Variants in SPZ1 observed in about 807,000 individuals in gnomAD.
SPZ1 encodes the protein spermatogenic leucine zipper 1, also known as spermatogenic leucine zipper protein 1.
For missense variants in SPZ1, 408 were observed against 486.2 expected (o/e 0.84, Z 1.51); for synonymous variants, 160 against 167.6 (o/e 0.95, Z 0.35).
chr5:80,320,254 C>T lies in SPZ1; in HGVS notation c.39C>T (p.Ile13=), dbSNP rs1042717059. ...CTAAGTCAGCTGAGATGCCCACCAT[C>T]TCCAAAACCGTTAACCCTACTCCTG... is the stretch of plus-strand genomic sequence containing the variant. The part of the protein sequence containing the change: ...SSAKSAEMPT[I]SKTVNPTPDP... The change falls in exon 1 of 1, where the codon ATC becomes ATT. Residue 13 remains isoleucine, a synonymous_variant. Transcript: ENST00000296739. 25 of 1,612,652 alleles carry T rather than the reference C, an allele frequency of 1.6e-5. No individual in the cohort carries two copies.
rs1252323724 is a variant in SPZ1, at chr5:80,321,172, G to T, written c.957G>T (p.Leu319Phe). 1 of 1,614,012 alleles carries T rather than the reference G, an allele frequency of 6.2e-7. No homozygotes were observed. Among genetic ancestry groups the T allele is most frequent in the Admixed American group, 1.7e-5 (1 of 60,016 alleles). The part of the protein sequence containing the change: ...KLSHDTYSLQ[L>F]MAALLENECQ... ...GCCATGACACCTATTCATTGCAGTT[G>T]ATGGCAGCTTTGCTAGAGAATGAAT... Residue 319 changes from leucine (L) to phenylalanine (F), a missense_variant, in exon 1 of 1, where the codon TTG (leucine) becomes TTT (phenylalanine). Physicochemically the swap from Leu to Phe is conservative, Grantham distance 22 (BLOSUM62 0). Transcript: ENST00000296739.
rs1294166482 is a variant in SPZ1, at chr5:80,321,298, C to G, written c.1083C>G (p.Asp361Glu). 1 of 1,610,094 alleles carries G rather than the reference C, an allele frequency of 6.2e-7. No homozygotes were observed. Among genetic ancestry groups the G allele is most frequent in the Non-Finnish European group, 8.5e-7 (1 of 1,179,120 alleles). The change falls in exon 1 of 1, where the codon GAC becomes GAG. Residue 361 changes from aspartate (D) to glutamate (E), a missense_variant. Asp to Glu is a conservative substitution (Grantham distance 45). Transcript: ENST00000296739. ...CAATTCAGATAAACTATAAACAGGACAAGAAAAATCAGAAGCCATCAGAAG... is the reference window on the plus strand; with the variant it reads ...CAATTCAGATAAACTATAAACAGGAGAAGAAAAATCAGAAGCCATCAGAAG... ...EKPIQINYKQ[D>E]KKNQKPSEAK...
Position 80,321,558 on chromosome 5 carries a change from T to C in SPZ1, c.*50T>C, listed in dbSNP as rs1201961269. On this transcript the variant is annotated 3_prime_UTR_variant, in exon 1 of 1. Transcript: ENST00000296739. ...GTGAATCCTTAAAAAACTACATCTG[T>C]TACCTCCAACTTGTCAGTCATGATC... 8 of 1,405,704 alleles carry C rather than the reference T, an allele frequency of 5.7e-6. No homozygotes were observed. Among genetic ancestry groups the C allele is most frequent in the Non-Finnish European group, 7.7e-6 (8 of 1,038,260 alleles). 87.1% of individuals were successfully genotyped at this position (1,405,704 alleles called of 1,614,324 possible).
chr5:80,320,409 C>T lies in SPZ1; in HGVS notation c.194C>T (p.Thr65Ile). Residue 65 changes from threonine to isoleucine, a missense_variant, in exon 1 of 1, where the codon ACT (threonine) becomes ATT (isoleucine). Thr to Ile is a moderately conservative substitution (Grantham distance 89, BLOSUM62 -1). Coordinates refer to ENST00000296739, the MANE Select transcript of SPZ1 (RefSeq NM_032567.4). ...AGCCATCAAGTTACAGAACAACAGA[C>T]TGCACAGAAGTTTAACAATCTCTTA... Reference protein sequence around the residue: ...NSSHQVTEQQTAQKFNNLLKE... With the variant: ...NSSHQVTEQQIAQKFNNLLKE... The T allele has an allele frequency of 6.2e-7, 1 of 1,614,044 alleles. No homozygotes were observed. The highest frequency in any genetic ancestry group is 2.2e-5 in the East Asian group (1 of 44,874).
downstream of SPZ1, chr5:80,321,351 A>ACAAG (rs1258888138): frequency 8.7e-6 from 14 of 1,613,520 alleles, no homozygotes; most frequent in Non-Finnish European, 1.0e-5. Context: ...TATAAGCAGA[A>ACAAG]CAAGCAAGCA....
Position 80,320,868 on chromosome 5 carries a change from A to AT in SPZ1, c.653_654insT (p.Lys218AsnfsTer4). On this transcript the variant is annotated frameshift_variant, in exon 2 of 2. Transcript: ENST00000511881. LOFTEE classifies it low-confidence loss of function (END_TRUNC). The stretch of plus-strand genomic sequence containing the variant: ...TTGGTAAATCGTTTAGAAGAAAAAA[A>AT]AGTCCTTAACGAAACTCAACAAAGT... 6.2e-7 allele frequency: 1 copy of AT among 1,613,340 alleles called. No individual in the cohort carries two copies. Among genetic ancestry groups the AT allele is most frequent in the South Asian group, 1.1e-5 (1 of 90,706 alleles).
Position 80,320,597 on chromosome 5 carries a change from C to A in SPZ1, c.382C>A (p.Pro128Thr), listed in dbSNP as rs780303532. Residue 128 changes from proline to threonine, a missense_variant, in exon 1 of 1, where the codon CCT becomes ACT. Physicochemically the swap from Pro to Thr is conservative, Grantham distance 38. Transcript: ENST00000296739. ...KINEMLSTNLPVSLAPEKEDN... is the reference protein window; with the variant it reads ...KINEMLSTNLTVSLAPEKEDN... ...CAATGAAATGTTATCAACAAACCTG[C>A]CTGTTAGTTTAGCCCCAGAGAAAGA... is the stretch of plus-strand genomic sequence containing the variant. 2 of 1,613,324 alleles carry A rather than the reference C, an allele frequency of 1.2e-6. No homozygotes were observed. Among genetic ancestry groups the A allele is most frequent in the Non-Finnish European group, 8.5e-7 (1 of 1,179,746 alleles).
chr5:80,321,392 T>C lies in SPZ1; in HGVS notation c.1177T>C (p.Ser393Pro), dbSNP rs1424747311. The C allele has an allele frequency of 1.2e-6, 2 of 1,613,676 alleles. No individual in the cohort carries two copies. The highest frequency in any genetic ancestry group is 1.7e-4 in the Middle Eastern group (1 of 6,060). Residue 393 changes from serine to proline, a missense_variant, in exon 1 of 1, where the codon TCC becomes CCC. Physicochemically the swap from Ser to Pro is moderately conservative, Grantham distance 74. Coordinates refer to ENST00000296739, the MANE Select transcript of SPZ1 (RefSeq NM_032567.4). Reference sequence around the variant, plus strand: ...GGGTACATTTTGGAAAAAAGACAGATCCTGTAGAAGCCTGGATGTTTGTCT... The same window carrying C: ...GGGTACATTTTGGAAAAAAGACAGACCCTGTAGAAGCCTGGATGTTTGTCT... The part of the protein sequence containing the change: ...MKGTFWKKDR[S>P]CRSLDVCLNK...
rs1199399714 is a variant in SPZ1 at position 80,320,812 on chromosome 5, T to A, written c.597T>A (p.Ser199=). ...AGATGATAATGGAAAACCAGAACTC[T>A]GAGAACACCGCACAAGTTTTTGCAA... ...KQQMIMENQN[S]ENTAQVFARD... The change falls in exon 1 of 1, where the codon TCT becomes TCA. Residue 199 remains serine, a synonymous_variant. Transcript: ENST00000296739. 1 of 1,614,052 alleles carries A rather than the reference T, an allele frequency of 6.2e-7. No homozygotes were observed. Among genetic ancestry groups the A allele is most frequent in the African/African-American group, 1.3e-5 (1 of 74,944 alleles).
rs1312198897 is a variant in SPZ1 at position 80,320,914 on chromosome 5, A to G, written c.699A>G (p.Arg233=). 2 of 1,609,886 alleles carry G rather than the reference A, an allele frequency of 1.2e-6. No homozygotes were observed. Among genetic ancestry groups the G allele is most frequent in the South Asian group, 2.2e-5 (2 of 89,466 alleles). Residue 233 remains arginine, a synonymous_variant, in exon 1 of 1, where the codon AGA becomes AGG. Transcript: ENST00000296739. ...AAAGTCAGGAAAAAGCAAAAAACAG[A>G]CTTAATGTTCAAGAAGAAACTATGA... is the stretch of plus-strand genomic sequence containing the variant. The part of the protein sequence containing the change: ...TQQSQEKAKN[R]LNVQEETMKI...
chr5:80,320,311 T>C lies in SPZ1; in HGVS notation c.96T>C (p.Ile32=), dbSNP rs368149933. The change falls in exon 1 of 1, where the codon ATT becomes ATC. Residue 32 remains isoleucine (I), a synonymous_variant. Transcript: ENST00000296739. ...DPHQEYLDPR[I]TIALFEIGSH... ...ATCAAGAATATCTGGACCCTAGGAT[T>C]ACCATTGCCTTATTCGAAATTGGAT... The C allele has an allele frequency of 6.3e-5, 101 of 1,613,936 alleles. No individual in the cohort carries two copies. The highest frequency in any genetic ancestry group is 8.1e-5 in the Non-Finnish European group (96 of 1,179,994).
rs746821836 is a variant in SPZ1 at position 80,320,502 on chromosome 5, T to A, written c.287T>A (p.Leu96His). The A allele has an allele frequency of 6.2e-7, 1 of 1,614,054 alleles. No individual in the cohort carries two copies. The highest frequency in any genetic ancestry group is 1.1e-5 in the South Asian group (1 of 91,006). Residue 96 changes from leucine (L) to histidine (H), a missense_variant, in exon 1 of 1, where the codon CTT becomes CAT. Transcript: ENST00000296739. ...FEEKITEAKE[L>H]FEETNITEDV... ...GAGAAGATCACAGAAGCAAAAGAACTTTTTGAGGAAACCAATATTACTGAG... is the reference window on the plus strand; with the variant it reads ...GAGAAGATCACAGAAGCAAAAGAACATTTTGAGGAAACCAATATTACTGAG...
At position 80,320,812 on chromosome 5, in the gene SPZ1, T is replaced by C; in HGVS notation, c.597T>C (p.Ser199=). 6.2e-7 allele frequency: 1 copy of C among 1,614,170 alleles called. No homozygotes were observed. Among genetic ancestry groups the C allele is most frequent in the Non-Finnish European group, 8.5e-7 (1 of 1,180,038 alleles). ...KQQMIMENQN[S]ENTAQVFARD... ...AGATGATAATGGAAAACCAGAACTCTGAGAACACCGCACAAGTTTTTGCAA... is the reference window on the plus strand; with the variant it reads ...AGATGATAATGGAAAACCAGAACTCCGAGAACACCGCACAAGTTTTTGCAA... Residue 199 remains serine, a synonymous_variant, in exon 1 of 1, where the codon TCT becomes TCC. Transcript: ENST00000296739.
chr5:80,320,331 T>C lies in SPZ1; in HGVS notation c.116T>C (p.Ile39Thr), dbSNP rs754490965. The C allele has an allele frequency of 1.9e-6, 3 of 1,613,998 alleles. No homozygotes were observed. The highest frequency in any genetic ancestry group is 4.5e-5 in the East Asian group (2 of 44,896). Residue 39 changes from isoleucine (I) to threonine (T), a missense_variant, in exon 1 of 1, where the codon ATT becomes ACT. By Grantham distance (89) the Ile-to-Thr change is moderately conservative. Transcript: ENST00000296739. ...DPRITIALFE[I>T]GSHSPSSWGS... ...AGGATTACCATTGCCTTATTCGAAA[T>C]TGGATCACATTCCCCTTCCTCCTGG...
chr5:80,321,842 A>AT (rs5869033), downstream of SPZ1: 525 of 167,786 alleles, frequency 3.1e-3, 1 homozygote, highest in African/African-American at 0.01. Context: ...TACAAGGGAA[A>AT]TTTTTTTTTT....
rs747462365 is a variant in SPZ1 at position 80,320,917 on chromosome 5, T to C, written c.702T>C (p.Leu234=). ...QQSQEKAKNR[L]NVQEETMKIR... is the part of the protein sequence containing the mutation. ...GTCAGGAAAAAGCAAAAAACAGACT[T>C]AATGTTCAAGAAGAAACTATGAAAA... Residue 234 remains leucine (L), a synonymous_variant, in exon 1 of 1, where the codon CTT becomes CTC. Transcript: ENST00000296739. 2.5e-6 allele frequency: 4 copies of C among 1,609,704 alleles called. No individual in the cohort carries two copies. The highest frequency in any genetic ancestry group is 3.4e-6 in the Non-Finnish European group (4 of 1,179,202).
rs748311486 is a variant in SPZ1, at chr5:80,321,332, G to T, written c.1117G>T (p.Val373Leu). 6.2e-7 allele frequency: 1 copy of T among 1,612,072 alleles called. No homozygotes were observed. Among genetic ancestry groups the T allele is most frequent in the Non-Finnish European group, 8.5e-7 (1 of 1,179,610 alleles). The change falls in exon 1 of 1, where the codon GTA (valine) becomes TTA (leucine). Residue 373 changes from valine to leucine, a missense_variant. By Grantham distance (32) the Val-to-Leu change is conservative. Coordinates refer to ENST00000296739, the MANE Select transcript of SPZ1 (RefSeq NM_032567.4). ...TCAGAAGCCATCAGAAGCAAAGAAAGTAGAAATGTATAAGCAGAACAAGCA... is the reference window on the plus strand; with the variant it reads ...TCAGAAGCCATCAGAAGCAAAGAAATTAGAAATGTATAAGCAGAACAAGCA... ...KNQKPSEAKK[V>L]EMYKQNKQAM...
At position 80,320,607 on chromosome 5, in the gene SPZ1, T is replaced by C. The variant is rs1743534085; in HGVS notation, c.392T>C (p.Leu131Ser). 1 of 1,613,696 alleles carries C rather than the reference T, an allele frequency of 6.2e-7. No individual in the cohort carries two copies. Among genetic ancestry groups the C allele is most frequent in the Non-Finnish European group, 8.5e-7 (1 of 1,179,982 alleles). ...TTATCAACAAACCTGCCTGTTAGTT[T>C]AGCCCCAGAGAAAGAAGACAATGAA... ...EMLSTNLPVS[L>S]APEKEDNEKK... Residue 131 changes from leucine (L) to serine (S), a missense_variant, in exon 1 of 1, where the codon TTA becomes TCA. Coordinates refer to ENST00000296739, the MANE Select transcript of SPZ1 (RefSeq NM_032567.4).
chr5:80,320,032 C>T lies in SPZ1; in HGVS notation c.-184C>T. On this transcript the variant is annotated 5_prime_UTR_variant, in exon 1 of 1. Coordinates refer to ENST00000296739, the MANE Select transcript of SPZ1 (RefSeq NM_032567.4). ...GCCCCAGCCTTGGTCCCCTTTCCCA[C>T]CCTTCCTCCCCACAAGGCTGTCTGA... 1 of 551,930 alleles carries T rather than the reference C, an allele frequency of 1.8e-6. No homozygotes were observed. Among genetic ancestry groups the T allele is most frequent in the Non-Finnish European group, 3.2e-6 (1 of 317,436 alleles). 34.2% of individuals were successfully genotyped at this position (551,930 alleles called of 1,614,324 possible). A position where few individuals can be genotyped will look rare whatever the true frequency, so the allele number is the denominator to read the frequency against.
Sources: gnomAD v4.1 joint callset for allele counts on GRCh38, gnomAD v4.1.1 for gene constraint, MANE v1.5 for transcripts, NCBI Gene and HGNC (gene_info 2026-07-23, HGNC 2026-07-21) for gene names.